Variants in SLC12A7 observed in about 807,000 individuals in gnomAD.
The protein encoded by SLC12A7 is K-Cl cotransporter 4.
A neutral mutation model predicts 120.6 loss-of-function variants in SLC12A7; 100 were observed. The ratio of observed to expected loss-of-function variants is 0.83; its 90% CI spans 0.71 to 0.98. The LOEUF (loss-of-function observed/expected upper bound fraction) is 0.98, where lower values mean the gene tolerates loss of function less well. SLC12A7 is among the 50% of genes least tolerant of loss of function. The pLI, the probability that SLC12A7 is intolerant of heterozygous loss-of-function variation, is 0.00. For synonymous variants in SLC12A7, 760 were observed against 678.0 expected, an observed-to-expected ratio of 1.12 and a Z score of -1.88; for missense variants, 1,373 against 1,548.1, an observed-to-expected ratio of 0.89 and a Z score of 1.90.
chr5:1,097,481 A>G (rs1048102068), intron 1 of SLC12A7, among the ~76,000 whole-genome samples: 8 of 152,180 alleles, frequency 5.3e-5, no homozygotes, highest in African/African-American at 1.7e-4. Context: ...TTGGATTAAT[A>G]TCGAGAAATT....
chr5:1,076,411 C>CATGCTGTGACCA (rs1554015916), intron 13 of SLC12A7, among the ~76,000 whole-genome samples, 175 bp from the exon 14 acceptor site: 3 of 151,440 alleles, frequency 2.0e-5, no homozygotes, highest in African/African-American at 7.3e-5. Flanking sequence ...CCCTCAGGTT[C>CATGCTGTGACCA]CAGCCATCCT....
the SLC12A7 span, among the ~76,000 whole-genome samples, chr5:1,128,899 C>T: frequency 6.6e-6 from 1 of 152,236 alleles, no homozygotes; most frequent in African/African-American, 2.4e-5. Context: ...TCCACCCACA[C>T]AAGCTGGACC....
chr5:1,122,376 C>T, the SLC12A7 span, among the ~76,000 whole-genome samples: 1 of 152,168 alleles, frequency 6.6e-6, no homozygotes, highest in Non-Finnish European at 1.5e-5. Context: ...CTGCGCTTGG[C>T]ACCTCAAGGG....
intron 6 of SLC12A7, among the ~76,000 whole-genome samples, chr5:1,085,937 CG>C (rs1215665028): frequency 1.3e-5 from 2 of 152,330 alleles, no homozygotes; most frequent in African/African-American, 2.4e-5. Context: ...ACCACGCCGG[CG>C]GGGGGCAACC....
At chr5:1,099,642 T>C (rs1376079611) in intron 1 of SLC12A7, among the ~76,000 whole-genome samples, 1 of 152,186 alleles carries the variant, frequency 6.6e-6, no homozygotes, top group African/African-American at 2.4e-5. Flanking sequence ...ATCTCCACAT[T>C]TAAGGGCTGA....
chr5:1,112,135 G>A, upstream of SLC12A7: 1 of 986,050 alleles, frequency 1.0e-6, no homozygotes, highest in Non-Finnish European at 1.3e-6. Flanking sequence ...TGCTTGCCCC[G>A]CGGCCCCACG....
chr5:1,051,090 T>C lies in SLC12A7; in HGVS notation c.*1270A>G, dbSNP rs4975573. ...ACATAGAAAGGGAGGCCCAAGTCGG[T>C]GCCACTGCCCGCAGCCTGCAAATGT... On this transcript the variant is annotated 3_prime_UTR_variant, in exon 24 of 24. Transcript: ENST00000264930. 1,833 of 396,722 alleles carry C rather than the reference T, an allele frequency of 4.6e-3. 32 individuals are homozygous for C. Among genetic ancestry groups the C allele is most frequent in the Admixed American group, 0.031 (714 of 22,672 alleles). The allele number at this position is 396,722 out of a possible 1,614,324, so 24.6% of individuals were successfully genotyped here. A position where few individuals can be genotyped will look rare whatever the true frequency, so the allele number is the denominator to read the frequency against.
At chr5:1,132,016 C>T in the SLC12A7 span, among the ~76,000 whole-genome samples, 1 of 152,160 alleles carries the variant, frequency 6.6e-6, no homozygotes, top group Non-Finnish European at 1.5e-5. Flanking sequence ...CTTAGGGATT[C>T]TCAGTCACAA....
chr5:1,056,495 G>A (rs1195530887), intron 22 of SLC12A7: 2 of 664,958 alleles, frequency 3.0e-6, no homozygotes, highest in Non-Finnish European at 3.7e-6. Context: ...CCTAGAACAC[G>A]CGCACAGACA....
At chr5:1,128,405 A>G in the SLC12A7 span, among the ~76,000 whole-genome samples, 2 of 152,248 alleles carry the variant, frequency 1.3e-5, no homozygotes, top group Non-Finnish European at 2.9e-5. Context: ...CCAGCAATGC[A>G]TGGAGGCAGG....
Position 1,065,265 on chromosome 5 carries a change from G to A in SLC12A7, c.2437+18C>T. 7 of 1,539,290 alleles carry A rather than the reference G, an allele frequency of 4.5e-6. No individual in the cohort carries two copies. The highest frequency in any genetic ancestry group is 6.2e-6 in the Non-Finnish European group (7 of 1,137,402). ...GGGGACGGTGAGGGGATGCCGAAGG[G>A]CCGCCAGCCATGCCTACCCACAAAG... On this transcript the variant is annotated intron_variant, in intron 18 of 23. Transcript: ENST00000264930.
At chr5:1,119,608 G>A in the SLC12A7 span, among the ~76,000 whole-genome samples, 9 of 152,364 alleles carry the variant, frequency 5.9e-5, no homozygotes, top group African/African-American at 1.9e-4. Flanking sequence ...GGCAGCGACC[G>A]TTTCAGGAAG....
At chr5:1,074,741 A>T in intron 15 of SLC12A7, 70 bp from the exon 16 acceptor site, 1 of 1,435,700 alleles carries the variant, frequency 7.0e-7, no homozygotes, top group Non-Finnish European at 9.6e-7. Flanking sequence ...GGGAAAGGGG[A>T]CTTCTGGGGG....
intron 20 of SLC12A7, chr5:1,063,108 G>A (rs12657777): frequency 0.46 from 70,529 of 152,284 alleles, 16,576 homozygotes; most frequent in East Asian, 0.6. Context: ...GGGGGCCGGG[G>A]GCAAGCGCTC....
chr5:1,088,201 A>C, intron 5 of SLC12A7, 105 bp downstream of exon 5: 2 of 1,138,352 alleles, frequency 1.8e-6, no homozygotes, highest in Non-Finnish European at 2.5e-6. Context: ...ACCCCCAGGC[A>C]GCCCCCGGCC....
the SLC12A7 span, among the ~76,000 whole-genome samples, chr5:1,127,480 G>A: frequency 6.6e-6 from 1 of 152,188 alleles, no homozygotes; most frequent in African/African-American, 2.4e-5. Flanking sequence ...GCCTCCGGAG[G>A]GCGTGCAGCC....
chr5:1,098,343 A>T (rs551829642), intron 1 of SLC12A7, among the ~76,000 whole-genome samples: 5 of 3,712 alleles, frequency 1.3e-3, no homozygotes, highest in Admixed American at 3.0e-3. Flanking sequence ...AACCCTCTGC[A>T]CACCCAGCCC....
At chr5:1,118,651 C>T in the SLC12A7 span, among the ~76,000 whole-genome samples, 6 of 152,312 alleles carry the variant, frequency 3.9e-5, no homozygotes, top group East Asian at 1.2e-3. Flanking sequence ...TCGAATGAGT[C>T]CAGGAGGAAG....
rs768372642 is a variant in SLC12A7, at chr5:1,073,678, C to G, written c.2196G>C (p.Glu732Asp). 6.2e-7 allele frequency: 1 copy of G among 1,601,182 alleles called. No individual in the cohort carries two copies. Among genetic ancestry groups the G allele is most frequent in the Admixed American group, 1.7e-5 (1 of 58,604 alleles). ...CCATGTGCTTGTCCAGGTACGTCCC[C>G]TCCAGCACCGAGCCCACGATGGTCA... ...KGLTIVGSVLEGTYLDKHMEA... is the reference protein window; with the variant it reads ...KGLTIVGSVLDGTYLDKHMEA... Residue 732 changes from glutamate (E) to aspartate (D), a missense_variant, in exon 17 of 24, where the codon GAG (glutamate) becomes GAC (aspartate). By Grantham distance (45) the Glu-to-Asp change is conservative (BLOSUM62 2). Coordinates refer to ENST00000264930, the MANE Select transcript of SLC12A7 (RefSeq NM_006598.3).
Sources: allele counts gnomAD v4.1 joint callset (sites outside exome capture counted in the v4.1 genomes callset), GRCh38; gene constraint gnomAD v4.1.1; transcripts MANE v1.5; gene names NCBI Gene and HGNC (gene_info 2026-07-23, HGNC 2026-07-21).